CSMD3: variants seen among roughly 807,000 people sequenced by gnomAD.
The protein encoded by CSMD3 is CUB and Sushi multiple domains 3, also known as CUB and sushi domain-containing protein 3.
CSMD3 carries 177 observed loss-of-function variants against 435.2 expected under a neutral mutation model. The ratio of observed to expected loss-of-function variants is 0.41; its 90% confidence interval spans 0.36 to 0.46. CSMD3 has a LOEUF of 0.46. CSMD3 is among the 20% of genes least tolerant of loss of function. CSMD3 has a pLI of 0.34. For missense variants in CSMD3, 4,265 were observed against 4,504.6 expected (o/e 0.95, Z 1.52); for synonymous variants, 1,656 against 1,520.5 (o/e 1.09, Z -2.07).
In CSMD3 at chr8:113,106,226, A is replaced by G. The variant is rs183669284; in HGVS notation, c.710-7263T>C. ...AAATATTTACTATTTAGCCCTTTTCAGAAAAACTGAACTCAGTGACCACAG... is the reference window on the plus strand; with the variant it reads ...AAATATTTACTATTTAGCCCTTTTCGGAAAAACTGAACTCAGTGACCACAG... On this transcript the variant is annotated intron_variant, in intron 4 of 70. Coordinates refer to ENST00000297405, the MANE Select transcript of CSMD3 (RefSeq NM_198123.2). Among the ~76,000 whole-genome samples the G allele has an allele frequency of 3.1e-4, 47 of 152,268 alleles. 1 individual carries two copies. The highest frequency in any genetic ancestry group is 1.3e-3 in the Admixed American group (20 of 15,286).
At position 113,191,486 on chromosome 8, in the gene CSMD3, C is replaced by T. The variant is rs752703725; in HGVS notation, c.515-17570G>A. 2.2e-4 allele frequency among the ~76,000 whole-genome samples: 33 copies of T among 151,504 alleles called. 1 individual carries two copies. The highest frequency in any genetic ancestry group is 3.8e-4 in the Non-Finnish European group (26 of 67,814). On this transcript the variant is annotated intron_variant, in intron 3 of 70. Coordinates refer to ENST00000297405, the MANE Select transcript of CSMD3 (RefSeq NM_198123.2). ...TTTGGCTCCCAATTATAAGTGAGAA[C>T]ATGTGATGTTTGGTTTTCTGTTCCC...
chr8:112,256,476 T>C (rs1815811715), intron 61 of CSMD3, among the ~76,000 whole-genome samples: 1 of 152,096 alleles, frequency 6.6e-6, no homozygotes, highest in African/African-American at 2.4e-5. Context: ...GCATTCTAGG[T>C]AGAGTAAACA....
At chr8:113,203,024 T>G (rs1301894578) in intron 3 of CSMD3, among the ~76,000 whole-genome samples, 1 of 152,080 alleles carries the variant, frequency 6.6e-6, no homozygotes, top group Non-Finnish European at 1.5e-5. Flanking sequence ...TTTTTTCAAC[T>G]GAATTGAAAA....
chr8:113,220,534 T>C (rs2092954599), intron 3 of CSMD3, among the ~76,000 whole-genome samples: 3 of 151,426 alleles, frequency 2.0e-5, no homozygotes, highest in Admixed American at 6.6e-5. Context: ...TGCAAAGGCC[T>C]ATACATATAA....
intron 13 of CSMD3, among the ~76,000 whole-genome samples, chr8:112,790,934 A>T (rs1353234594): frequency 1.3e-5 from 2 of 152,166 alleles, no homozygotes; most frequent in Non-Finnish European, 2.9e-5. Context: ...ATTCATTGAG[A>T]TATGATGAAC....
chr8:113,300,767 T>C (rs2093759819), intron 2 of CSMD3, among the ~76,000 whole-genome samples: 2 of 152,086 alleles, frequency 1.3e-5, no homozygotes, highest in East Asian at 1.9e-4. Flanking sequence ...TGGGATTATA[T>C]GTATCCCAAA....
chr8:113,184,208 C>A (rs1231800043), intron 3 of CSMD3, among the ~76,000 whole-genome samples: 1 of 151,974 alleles, frequency 6.6e-6, no homozygotes, highest in Non-Finnish European at 1.5e-5. Context: ...AGCTTTCATT[C>A]CCTCCCTGGA....
At chr8:113,324,964 T>C (rs2093973974) in intron 1 of CSMD3, among the ~76,000 whole-genome samples, 2 of 152,208 alleles carry the variant, frequency 1.3e-5, no homozygotes, top group Admixed American at 6.5e-5. Context: ...CTGCTGGATT[T>C]TGAACTTGCA....
At chr8:113,136,659 G>A (rs1254394474) in intron 4 of CSMD3, among the ~76,000 whole-genome samples, 6 of 151,600 alleles carry the variant, frequency 4.0e-5, no homozygotes, top group Admixed American at 3.3e-4. Flanking sequence ...GATTAAAGAG[G>A]TGAATGGAAA....
intron 4 of CSMD3, among the ~76,000 whole-genome samples, chr8:113,104,633 A>C (rs1248609069): frequency 6.6e-6 from 1 of 152,132 alleles, no homozygotes; most frequent in Non-Finnish European, 1.5e-5. Flanking sequence ...ACGGTACAAC[A>C]AATAATACCT....
intron 3 of CSMD3, among the ~76,000 whole-genome samples, chr8:113,188,430 A>G (rs2092539569): frequency 6.6e-6 from 1 of 151,988 alleles, no homozygotes; most frequent in African/African-American, 2.4e-5. Flanking sequence ...CTCTTTGGAA[A>G]CTCAATCCCC....
intron 3 of CSMD3, among the ~76,000 whole-genome samples, chr8:113,179,982 A>G (rs1293228042): frequency 1.3e-5 from 2 of 151,956 alleles, no homozygotes; most frequent in Non-Finnish European, 1.5e-5. Context: ...TGAAAAATTT[A>G]AAAAAGGGAT....
At chr8:113,117,406 T>G (rs953604297) in intron 4 of CSMD3, among the ~76,000 whole-genome samples, 1 of 152,222 alleles carries the variant, frequency 6.6e-6, no homozygotes, top group African/African-American at 2.4e-5. Context: ...AACCTCAGCC[T>G]AGATTTCAGA....
intron 13 of CSMD3, among the ~76,000 whole-genome samples, chr8:112,797,522 A>C (rs1039787676): frequency 2.0e-5 from 3 of 151,962 alleles, no homozygotes; most frequent in Admixed American, 6.6e-5. Context: ...TAAAAATTTG[A>C]GACAAACTAC....
intron 4 of CSMD3, among the ~76,000 whole-genome samples, chr8:113,131,555 G>T (rs551010275): frequency 6.6e-6 from 1 of 152,176 alleles, no homozygotes; most frequent in Admixed American, 6.6e-5. Context: ...AGATTTCACA[G>T]GATGTATGGA....
intron 1 of CSMD3, among the ~76,000 whole-genome samples, chr8:113,355,722 T>TATATATATATATA (rs1563737826): frequency 1.3e-5 from 1 of 77,794 alleles, no homozygotes; most frequent in African/African-American, 4.6e-5. Flanking sequence ...AGTTTTATTT[T>TATATATATATATA]TATATATATA....
intron 38 of CSMD3, among the ~76,000 whole-genome samples, chr8:112,378,253 G>T (rs1829137930): frequency 6.7e-6 from 1 of 150,012 alleles, no homozygotes; most frequent in East Asian, 2.0e-4. Context: ...TAGTAGGGAG[G>T]TTTCATTAAA....
At chr8:112,503,423 C>T (rs1343488638) in intron 30 of CSMD3, among the ~76,000 whole-genome samples, 2 of 152,180 alleles carry the variant, frequency 1.3e-5, no homozygotes, top group African/African-American at 4.8e-5. Context: ...ACGTTGTTCC[C>T]TTTATCACTG....
At chr8:113,166,351 A>T (rs1325735573) in intron 4 of CSMD3, among the ~76,000 whole-genome samples, 1 of 152,016 alleles carries the variant, frequency 6.6e-6, no homozygotes, top group Non-Finnish European at 1.5e-5. Context: ...CTAAAAATAC[A>T]ACAATTAGCT....
Sources: allele counts gnomAD v4.1 joint callset (sites outside exome capture counted in the v4.1 genomes callset), GRCh38; gene constraint gnomAD v4.1.1; transcripts MANE v1.5; gene names NCBI Gene and HGNC (gene_info 2026-07-23, HGNC 2026-07-21).